PTPRD: variants seen among roughly 807,000 people sequenced by gnomAD.
The protein encoded by PTPRD is protein tyrosine phosphatase receptor type D.
In PTPRD, 34 loss-of-function variants were observed where a neutral mutation model predicts 214.5. The ratio of observed to expected loss-of-function variants is 0.16; its 90% CI spans 0.12 to 0.21. The LOEUF (loss-of-function observed/expected upper bound fraction) is 0.21. PTPRD is among the 10% of genes least tolerant of loss of function. PTPRD has a pLI of 1.00. For synonymous variants in PTPRD, 1,128 were observed against 845.7 expected (o/e 1.33, Z -5.79); for missense variants, 2,545 against 2,398.7 (o/e 1.06, Z -1.27).
chr9:8,450,021 C>A (rs1432122183), intron 33 of PTPRD, among the ~76,000 whole-genome samples, 184 bp from the exon 34 acceptor site: 1 of 152,100 alleles, frequency 6.6e-6, no homozygotes, highest in African/African-American at 2.4e-5. Context: ...TCTCTCAGGT[C>A]TAAAATTTTT....
At chr9:9,326,725 G>A (rs1262284647) in intron 9 of PTPRD, among the ~76,000 whole-genome samples, 4 of 150,838 alleles carry the variant, frequency 2.7e-5, no homozygotes, top group South Asian at 4.2e-4. Flanking sequence ...AGGGATTGAA[G>A]GTAGAAGAAT....
intron 9 of PTPRD, among the ~76,000 whole-genome samples, chr9:9,192,882 A>G (rs754376433): frequency 3.9e-5 from 6 of 152,100 alleles, no homozygotes; most frequent in Non-Finnish European, 7.4e-5. Context: ...TCCTCCAGCT[A>G]GAAAATCGCA....
chr9:9,016,500 C>A lies in PTPRD; in HGVS notation c.-104+2197G>T, dbSNP rs556692911. ...ATGAGAGAATATATGTAAAACAAAC[C>A]AGCCTAGTACTGGTTAAAATCGGGG... is the stretch of plus-strand genomic sequence containing the variant. On this transcript the variant is annotated intron_variant, in intron 11 of 45. Transcript: ENST00000381196. Among the ~76,000 whole-genome samples, 485 of 152,090 alleles carry A rather than the reference C, an allele frequency of 3.2e-3. 1 individual carries two copies. The highest frequency in any genetic ancestry group is 0.011 in the African/African-American group (466 of 41,486).
intron 5 of PTPRD, among the ~76,000 whole-genome samples, chr9:9,795,958 T>C (rs191420320): frequency 3.9e-4 from 60 of 152,292 alleles, no homozygotes; most frequent in African/African-American, 1.4e-3. Context: ...GTGAAGAATA[T>C]ATCAATGACT....
At chr9:9,608,803 T>G (rs2094343361) in intron 7 of PTPRD, among the ~76,000 whole-genome samples, 1 of 152,192 alleles carries the variant, frequency 6.6e-6, no homozygotes, top group South Asian at 2.1e-4. Flanking sequence ...TTTAGCAGGG[T>G]TTGCTTGATT....
At chr9:10,102,385 T>G (rs967330053) in intron 3 of PTPRD, among the ~76,000 whole-genome samples, 3 of 149,370 alleles carry the variant, frequency 2.0e-5, no homozygotes, top group African/African-American at 5.0e-5. Flanking sequence ...AGCTCCAGAT[T>G]ATTGCTAGAA....
rs994925911 is a variant in PTPRD at position 9,768,096 on chromosome 9, T to C, written c.-367-1245A>G. ...ACATTTATGCTTGTGGTTTTATACA[T>C]ATATAAAATCCCCTAGGCCAACTTC... On this transcript the variant is annotated intron_variant, in intron 5 of 45. Transcript: ENST00000381196. Among the ~76,000 whole-genome samples, 3 of 152,286 alleles carry C rather than the reference T, an allele frequency of 2.0e-5. No homozygotes were observed. The East Asian group carries it at 5.8e-4, about 29-fold the overall frequency.
At chr9:9,764,095 A>G (rs2098686699) in intron 6 of PTPRD, among the ~76,000 whole-genome samples, 1 of 152,100 alleles carries the variant, frequency 6.6e-6, no homozygotes, top group African/African-American at 2.4e-5. Flanking sequence ...CTTCCCATCT[A>G]AGATTATAAC....
At chr9:8,536,453 A>G (rs1276387875) in intron 14 of PTPRD, among the ~76,000 whole-genome samples, 2 of 151,958 alleles carry the variant, frequency 1.3e-5, no homozygotes, top group Non-Finnish European at 2.9e-5. Context: ...ATAAATGTAT[A>G]TATGTGTGTG....
intron 5 of PTPRD, among the ~76,000 whole-genome samples, chr9:9,883,378 AAAAC>A (rs1476082748): frequency 2.0e-5 from 3 of 152,136 alleles, no homozygotes; most frequent in African/African-American, 7.2e-5. Flanking sequence ...AGGGAAAAGA[AAAAC>A]AAAAACATCT....
chr9:8,418,224 CTT>C (rs375048364), intron 35 of PTPRD, among the ~76,000 whole-genome samples: 1 of 147,774 alleles, frequency 6.8e-6, no homozygotes, highest in East Asian at 2.0e-4. Context: ...TTATCCTTTT[CTT>C]TTTTTTTTGC....
chr9:9,908,378 G>T (rs1334215375), intron 5 of PTPRD, among the ~76,000 whole-genome samples: 1 of 151,962 alleles, frequency 6.6e-6, no homozygotes, highest in South Asian at 2.1e-4. Flanking sequence ...GAACAGGTGG[G>T]AAGGGGTCTC....
intron 7 of PTPRD, among the ~76,000 whole-genome samples, chr9:9,613,960 G>C (rs1007338842): frequency 6.6e-6 from 1 of 152,154 alleles, no homozygotes; most frequent in Admixed American, 6.5e-5. Context: ...CTTTTGAAAT[G>C]ATGCTCTGTT....
At chr9:9,780,941 G>C (rs2098838152) in intron 5 of PTPRD, among the ~76,000 whole-genome samples, 1 of 152,158 alleles carries the variant, frequency 6.6e-6, no homozygotes, top group Non-Finnish European at 1.5e-5. Context: ...TAGAAAATCT[G>C]TGCACTGTAT....
Position 9,513,076 on chromosome 9 carries a change from C to G in PTPRD, c.-237+61656G>C, listed in dbSNP as rs74693614. 9.2e-4 allele frequency among the ~76,000 whole-genome samples: 140 copies of G among 151,882 alleles called. 2 individuals are homozygous for G. In the East Asian group the frequency reaches 0.025, roughly 27 times the overall value. On this transcript the variant is annotated intron_variant, in intron 8 of 45. Transcript: ENST00000381196. ...CCTGTAATTAGTGATCTCATAAATT[C>G]TGGCAGAGGGACTCATCTTCTAACC...
chr9:8,733,201 A>T (rs974230225), intron 12 of PTPRD, among the ~76,000 whole-genome samples: 1 of 152,188 alleles, frequency 6.6e-6, no homozygotes, highest in Non-Finnish European at 1.5e-5. Context: ...TGGTGTCTCT[A>T]GTCCACAGAA....
Position 10,363,991 on chromosome 9 carries a change from G to GTTTTTTTGTTTTTTTT in PTPRD, c.-599-22975_-599-22974insAAAAAAAACAAAAAAA, listed in dbSNP as rs1485501417. Among the ~76,000 whole-genome samples the GTTTTTTTGTTTTTTTT allele has an allele frequency of 4.2e-3, 147 of 35,116 alleles. 28 individuals are homozygous for GTTTTTTTGTTTTTTTT. Among genetic ancestry groups the GTTTTTTTGTTTTTTTT allele is most frequent in the Middle Eastern group, 0.028 (1 of 36 alleles). The allele number at this position is 35,116 out of a possible 152,430, so 23.0% of individuals were successfully genotyped here. A position where few individuals can be genotyped will look rare whatever the true frequency, so the allele number is the denominator to read the frequency against. On this transcript the variant is annotated intron_variant, in intron 2 of 45. Transcript: ENST00000381196. The stretch of plus-strand genomic sequence containing the variant: ...ATTATTATTGCCTCCACATTTTCGG[G>GTTTTTTTGTTTTTTTT]TTTTTTTTTTTTTTTTTTTTTTTTT...
At chr9:10,130,170 T>A (rs1026957086) in intron 3 of PTPRD, among the ~76,000 whole-genome samples, 1 of 97,974 alleles carries the variant, frequency 1.0e-5, no homozygotes, top group African/African-American at 3.2e-5. Flanking sequence ...CTGACTCAAA[T>A]CTATTTTTTT....
chr9:8,616,241 T>G (rs1406917684), intron 14 of PTPRD, among the ~76,000 whole-genome samples: 1 of 152,002 alleles, frequency 6.6e-6, no homozygotes, highest in East Asian at 1.9e-4. Flanking sequence ...AATGAACTTA[T>G]CAGAAAGACA....
Sources: allele counts gnomAD v4.1 joint callset (sites outside exome capture counted in the v4.1 genomes callset), GRCh38; gene constraint gnomAD v4.1.1; transcripts MANE v1.5; gene names NCBI Gene and HGNC (gene_info 2026-07-23, HGNC 2026-07-21).